GPRIN2: variants seen among roughly 807,000 people sequenced by gnomAD.
The protein encoded by GPRIN2 is G protein-regulated inducer of neurite outgrowth 2.
Under a neutral mutation model 0.3 loss-of-function variants are expected in GPRIN2, and 1 was observed. That is an observed-to-expected ratio of 3.90 (90% CI 1.39 to 18.51). The LOEUF (loss-of-function observed/expected upper bound fraction) is 18.51, where lower values mean the gene tolerates loss of function less well. Ranked by LOEUF, GPRIN2 falls within the 30% of genes most tolerant of loss-of-function variation. The probability of loss-of-function intolerance (pLI) is 0.11; values close to 1 mark genes in which losing one functional copy is unlikely to be tolerated. For missense variants in GPRIN2, 880 were observed against 604.2 expected (o/e 1.46, Z -4.79); for synonymous variants, 361 against 258.6 (o/e 1.40, Z -3.80).
In GPRIN2 at chr10:46,548,707, A is replaced by G; in HGVS notation, c.*653T>C. Among the ~76,000 whole-genome samples the G allele has an allele frequency of 6.6e-6, 1 of 152,424 alleles. No individual in the cohort carries two copies. ...GTAAATTCTCCTCATACATGACTGCACTGACTGGACCGGGCACATGCTACA... is the reference window on the plus strand; with the variant it reads ...GTAAATTCTCCTCATACATGACTGCGCTGACTGGACCGGGCACATGCTACA... On this transcript the variant is annotated 3_prime_UTR_variant, in exon 3 of 3. Transcript: ENST00000374314.
At position 46,545,181 on chromosome 10, in the gene GPRIN2, A is replaced by G. The variant is rs1222607787; in HGVS notation, c.*4179T>C. On this transcript the variant is annotated 3_prime_UTR_variant, in exon 3 of 3. Coordinates refer to ENST00000374314, the MANE Select transcript of GPRIN2 (RefSeq NM_001385282.1). ...TGGCATGACATGGATGCAAATGTCA[A>G]TGGGTGCACCCCCAGATGCCTGTGA... Among the ~76,000 whole-genome samples the G allele has an allele frequency of 6.6e-6, 1 of 152,310 alleles. No homozygotes were observed. The highest frequency in any genetic ancestry group is 1.5e-5 in the Non-Finnish European group (1 of 68,056).
At position 46,556,633 on chromosome 10, in the gene GPRIN2, C is replaced by G. The variant is rs1030799063; in HGVS notation, c.-253G>C. 2.6e-5 allele frequency among the ~76,000 whole-genome samples: 4 copies of G among 151,956 alleles called. No homozygotes were observed. Among genetic ancestry groups the G allele is most frequent in the Non-Finnish European group, 5.9e-5 (4 of 67,954 alleles). ...GAGACGCCGCCCGCCGCCGTCGGCC[C>G]GGCCCGCGGAGCAAGCGCCGGGTAC... On this transcript the variant is annotated 5_prime_UTR_variant, in exon 1 of 3. Coordinates refer to ENST00000374314, the MANE Select transcript of GPRIN2 (RefSeq NM_001385282.1).
intron 1 of GPRIN2, among the ~76,000 whole-genome samples, 143 bp downstream of exon 1, chr10:46,556,355 G>A (rs1588981109): frequency 2.0e-5 from 3 of 152,426 alleles, no homozygotes; most frequent in South Asian, 2.1e-4. Flanking sequence ...GCCACCGGGG[G>A]CTCTGGGCGC....
rs1490567277 is a variant in GPRIN2 at position 46,546,041 on chromosome 10, A to G, written c.*3319T>C. On this transcript the variant is annotated 3_prime_UTR_variant, in exon 3 of 3. Coordinates refer to ENST00000374314, the MANE Select transcript of GPRIN2 (RefSeq NM_001385282.1). ...TTCAGCCCTTGTAAAGTTAGGATCTAGCATGTCTAAGGGGACAGAGACCCA... is the reference window on the plus strand; with the variant it reads ...TTCAGCCCTTGTAAAGTTAGGATCTGGCATGTCTAAGGGGACAGAGACCCA... 6.6e-6 allele frequency among the ~76,000 whole-genome samples: 1 copy of G among 152,310 alleles called. No individual in the cohort carries two copies. Among genetic ancestry groups the G allele is most frequent in the Admixed American group, 6.5e-5 (1 of 15,294 alleles).
rs1275323302 is a variant in GPRIN2 at position 46,548,105 on chromosome 10, C to T, written c.*1255G>A. Among the ~76,000 whole-genome samples, 4 of 152,306 alleles carry T rather than the reference C, an allele frequency of 2.6e-5. No individual in the cohort carries two copies. The highest frequency in any genetic ancestry group is 4.4e-5 in the Non-Finnish European group (3 of 68,052). Reference sequence around the variant, plus strand: ...CATGACCCCACACTAGCCCTCTGGTCCCTCACACGGGTGGATTGGGGGGCT... The same window carrying T: ...CATGACCCCACACTAGCCCTCTGGTTCCTCACACGGGTGGATTGGGGGGCT... On this transcript the variant is annotated 3_prime_UTR_variant, in exon 3 of 3. Coordinates refer to ENST00000374314, the MANE Select transcript of GPRIN2 (RefSeq NM_001385282.1).
Position 46,543,492 on chromosome 10 carries a change from G to A in GPRIN2, c.*5868C>T, listed in dbSNP as rs1833029939. Among the ~76,000 whole-genome samples, 3 of 152,424 alleles carry A rather than the reference G, an allele frequency of 2.0e-5. No individual in the cohort carries two copies. The highest frequency in any genetic ancestry group is 7.2e-5 in the African/African-American group (3 of 41,608). The stretch of plus-strand genomic sequence containing the variant: ...AGCAGAGGTCCCCCGACTGTCCTTG[G>A]CTGTGTGCACACAGAGGTGCTGCAG... On this transcript the variant is annotated 3_prime_UTR_variant, in exon 3 of 3. Transcript: ENST00000374314.
rs1832773899 is a variant in GPRIN2, at chr10:46,548,975, A to G, written c.*385T>C. On this transcript the variant is annotated 3_prime_UTR_variant, in exon 3 of 3. Transcript: ENST00000374314. ...TCACATTTCATGTCGAGAATTCACTATTTCTCAGCACTGATTTCAAATAAA... is the reference window on the plus strand; with the variant it reads ...TCACATTTCATGTCGAGAATTCACTGTTTCTCAGCACTGATTTCAAATAAA... 5 of 274,398 alleles carry G rather than the reference A, an allele frequency of 1.8e-5. No homozygotes were observed. Among genetic ancestry groups the G allele is most frequent in the Non-Finnish European group, 3.5e-5 (5 of 143,736 alleles). The allele number at this position is 274,398 out of a possible 1,614,324, so 17.0% of individuals were successfully genotyped here.
chr10:46,544,143 C>T lies in GPRIN2; in HGVS notation c.*5217G>A, dbSNP rs1841955850. 6.6e-6 allele frequency among the ~76,000 whole-genome samples: 1 copy of T among 152,304 alleles called. No homozygotes were observed. The highest frequency in any genetic ancestry group is 2.4e-5 in the African/African-American group (1 of 41,486). ...AAGAAGGGTTCAATAGGGAAGGTAC[C>T]AGCGGCCGGCTGCAGAGGGGCTCCA... is the stretch of plus-strand genomic sequence containing the variant. On this transcript the variant is annotated 3_prime_UTR_variant, in exon 3 of 3. Coordinates refer to ENST00000374314, the MANE Select transcript of GPRIN2 (RefSeq NM_001385282.1).
intron 2 of GPRIN2, chr10:46,551,319 GGA>G: frequency 1.2e-6 from 1 of 859,968 alleles, no homozygotes; most frequent in Non-Finnish European, 1.4e-6. Flanking sequence ...AATGACCAGA[GGA>G]CACTGAGAAT....
rs1842351799 is a variant in GPRIN2 at position 46,548,300 on chromosome 10, G to T, written c.*1060C>A. Reference sequence around the variant, plus strand: ...GGCCCCCACTGCCTAGCCTAGGTCAGGTCATGTGGGCAAGCGAGCCCCCAC... The same window carrying T: ...GGCCCCCACTGCCTAGCCTAGGTCATGTCATGTGGGCAAGCGAGCCCCCAC... On this transcript the variant is annotated 3_prime_UTR_variant, in exon 3 of 3. Transcript: ENST00000374314. Among the ~76,000 whole-genome samples the T allele has an allele frequency of 6.6e-6, 1 of 152,182 alleles. No homozygotes were observed. Among genetic ancestry groups the T allele is most frequent in the African/African-American group, 2.4e-5 (1 of 41,450 alleles).
In GPRIN2 at chr10:46,550,085, C is replaced by T. The variant is rs1832488453; in HGVS notation, c.652G>A (p.Ala218Thr). 1.4e-5 allele frequency: 23 copies of T among 1,613,340 alleles called. No homozygotes were observed. The highest frequency in any genetic ancestry group is 1.8e-5 in the Non-Finnish European group (21 of 1,179,850). Reference protein sequence around the residue: ...SSSAQAEPKAAEQLATTTCHA... With the variant: ...SSSAQAEPKATEQLATTTCHA... ...CAGGTGGTGGTAGCCAGCTGTTCAG[C>T]AGCTTTGGGCTCAGCCTGGGCACTG... is the stretch of plus-strand genomic sequence containing the variant. Residue 218 changes from alanine to threonine, a missense_variant, in exon 3 of 3, where the codon GCT becomes ACT. Physicochemically the swap from Ala to Thr is moderately conservative, Grantham distance 58. Coordinates refer to ENST00000374314, the MANE Select transcript of GPRIN2 (RefSeq NM_001385282.1).
Position 46,542,480 on chromosome 10 carries a change from C to T in GPRIN2, c.*6880G>A, listed in dbSNP as rs1841835274. 1.3e-5 allele frequency among the ~76,000 whole-genome samples: 2 copies of T among 152,310 alleles called. No individual in the cohort carries two copies. The highest frequency in any genetic ancestry group is 2.4e-5 in the African/African-American group (1 of 41,488). ...TGGTTTTATAAGTGTTTGGTAGTTC[C>T]TTCTGCATTCATTTTCCTTCCTGCT... On this transcript the variant is annotated 3_prime_UTR_variant, in exon 3 of 3. Transcript: ENST00000374314.
At chr10:46,554,560 A>T (rs1842964460) in intron 2 of GPRIN2, 25 bp downstream of exon 2, 1 of 152,760 alleles carries the variant, frequency 6.5e-6, no homozygotes, top group Non-Finnish European at 1.5e-5. Context: ...AGTATCCAAG[A>T]CCTCTAGTAT....
At position 46,548,809 on chromosome 10, in the gene GPRIN2, A is replaced by G. The variant is rs1832783862; in HGVS notation, c.*551T>C. 6.6e-6 allele frequency among the ~76,000 whole-genome samples: 1 copy of G among 152,310 alleles called. No homozygotes were observed. The highest frequency in any genetic ancestry group is 1.5e-5 in the Non-Finnish European group (1 of 68,056). ...CTTCAAGCTGTCCAGCGTGGGGCAC[A>G]TCGGCTACAGCCTTGCCAAATGAAG... On this transcript the variant is annotated 3_prime_UTR_variant, in exon 3 of 3. Coordinates refer to ENST00000374314, the MANE Select transcript of GPRIN2 (RefSeq NM_001385282.1).
chr10:46,557,330 GGC>G (rs1174557950), upstream of GPRIN2, among the ~76,000 whole-genome samples: 2 of 152,292 alleles, frequency 1.3e-5, no homozygotes, highest in Non-Finnish European at 2.9e-5. Flanking sequence ...CCATGATCCT[GGC>G]CTGGCCTGGC....
At position 46,544,217 on chromosome 10, in the gene GPRIN2, G is replaced by C. The variant is rs1337821170; in HGVS notation, c.*5143C>G. On this transcript the variant is annotated 3_prime_UTR_variant, in exon 3 of 3. Transcript: ENST00000374314. Reference sequence around the variant, plus strand: ...CCAGAAACCACACAGAGGAGCCCGGGTGTGCCAGAAACAGCCTTTCATAAT... The same window carrying C: ...CCAGAAACCACACAGAGGAGCCCGGCTGTGCCAGAAACAGCCTTTCATAAT... Among the ~76,000 whole-genome samples the C allele has an allele frequency of 1.3e-5, 2 of 152,308 alleles. No homozygotes were observed. Among genetic ancestry groups the C allele is most frequent in the South Asian group, 4.1e-4 (2 of 4,838 alleles).
rs1842977374 is a variant in GPRIN2 at position 46,554,713 on chromosome 10, TA to T, written c.-117-19del. The T allele has an allele frequency of 1.3e-5, 2 of 154,316 alleles. No individual in the cohort carries two copies. The highest frequency in any genetic ancestry group is 4.8e-5 in the African/African-American group (2 of 41,516). The allele number at this position is 154,316 out of a possible 1,614,324, so 9.6% of individuals were successfully genotyped here. A position where few individuals can be genotyped will look rare whatever the true frequency, so the allele number is the denominator to read the frequency against. ...GTCAGCAACTGGAAGATCAACCACCTATGTAGCAATCAACCAATGTCATTTT... is the reference window on the plus strand; with the variant it reads ...GTCAGCAACTGGAAGATCAACCACCTTGTAGCAATCAACCAATGTCATTTT... On this transcript the variant is annotated intron_variant, in intron 1 of 2. Transcript: ENST00000374314.
At position 46,548,372 on chromosome 10, in the gene GPRIN2, C is replaced by T. The variant is rs1832806255; in HGVS notation, c.*988G>A. Reference sequence around the variant, plus strand: ...GGGCCAGGGCAAACTCCTGCCCTGTCCCCCTCCATTCCTGCCCTCCCTCCT... The same window carrying T: ...GGGCCAGGGCAAACTCCTGCCCTGTTCCCCTCCATTCCTGCCCTCCCTCCT... On this transcript the variant is annotated 3_prime_UTR_variant, in exon 3 of 3. Coordinates refer to ENST00000374314, the MANE Select transcript of GPRIN2 (RefSeq NM_001385282.1). 4.8e-4 allele frequency among the ~76,000 whole-genome samples: 73 copies of T among 152,376 alleles called. No individual in the cohort carries two copies. The highest frequency in any genetic ancestry group is 8.1e-4 in the Non-Finnish European group (55 of 68,010).
chr10:46,550,970 A>C (rs1588969134), intron 2 of GPRIN2, among the ~76,000 whole-genome samples: 1 of 152,308 alleles, frequency 6.6e-6, no homozygotes, highest in Admixed American at 6.5e-5. Flanking sequence ...TTATCTCATC[A>C]TCAGTCTCAA....
Sources: allele counts gnomAD v4.1 joint callset (sites outside exome capture counted in the v4.1 genomes callset), GRCh38; gene constraint gnomAD v4.1.1; transcripts MANE v1.5; gene names NCBI Gene and HGNC (gene_info 2026-07-23, HGNC 2026-07-21).